Variants in INTS8 observed in about 807,000 individuals in gnomAD.
The protein encoded by INTS8 is integrator complex subunit 8, also known as protein kaonashi-1.
In INTS8, 47 loss-of-function variants were observed where a neutral mutation model predicts 138.9. The ratio of observed to expected loss-of-function variants is 0.34; its 90% CI spans 0.27 to 0.43. The LOEUF (loss-of-function observed/expected upper bound fraction) is 0.43. Ranked by LOEUF, INTS8 falls within the 20% of genes least tolerant of loss-of-function variation. The pLI, the probability that INTS8 is intolerant of heterozygous loss-of-function variation, is 1.00. For missense variants in INTS8, 996 were observed against 1,173.0 expected (o/e 0.85, Z 2.20); for synonymous variants, 392 against 400.9 (o/e 0.98, Z 0.27).
At chr8:94,876,772 A>T (rs1025414734) in intron 26 of INTS8, 3 of 283,712 alleles carry the variant, frequency 1.1e-5, no homozygotes, top group African/African-American at 6.6e-5. Context: ...ATAAGGCTAT[A>T]TACAACTTGA....
In INTS8 at chr8:94,851,615, A is replaced by G. The variant is rs151288845; in HGVS notation, c.1570A>G (p.Arg524Gly). The G allele has an allele frequency of 6.0e-5, 96 of 1,602,910 alleles. No homozygotes were observed. In the African/African-American group the frequency reaches 1.2e-3, roughly 20 times the overall value. Residue 524 changes from arginine to glycine, a missense_variant, in exon 13 of 27, where the codon AGG (arginine) becomes GGG (glycine). Transcript: ENST00000523731. ...ACTTATATTGTCAGTGGATCCTTGG[A>G]GGATTAGACAAATTTTAATTGAATT... is the stretch of plus-strand genomic sequence containing the variant. The part of the protein sequence containing the change: ...HQLILSVDPW[R>G]IRQILIELHG...
chr8:94,846,025 A>G (rs1815320838), intron 10 of INTS8, among the ~76,000 whole-genome samples: 1 of 152,154 alleles, frequency 6.6e-6, no homozygotes, highest in Non-Finnish European at 1.5e-5. Context: ...GGCAGTCTTT[A>G]GTGTCCTTTA....
At chr8:94,852,221 G>T (rs1281073613) in intron 13 of INTS8, among the ~76,000 whole-genome samples, 3 of 152,154 alleles carry the variant, frequency 2.0e-5, no homozygotes, top group Admixed American at 2.0e-4. Flanking sequence ...GGGATTACAG[G>T]TGTGAGCCAC....
At chr8:94,858,820 A>C (rs573948408) in intron 15 of INTS8, among the ~76,000 whole-genome samples, 2 of 152,300 alleles carry the variant, frequency 1.3e-5, no homozygotes, top group African/African-American at 4.8e-5. Context: ...TCTTTGTGCT[A>C]CCTTTTTGGC....
chr8:94,837,900 C>T (rs757714290), intron 7 of INTS8, among the ~76,000 whole-genome samples: 4 of 152,042 alleles, frequency 2.6e-5, no homozygotes, highest in African/African-American at 4.8e-5. Context: ...TAGTTTACGG[C>T]CCACAAAAAT....
chr8:94,834,432 A>G (rs1449228191), intron 6 of INTS8, among the ~76,000 whole-genome samples: 1 of 151,504 alleles, frequency 6.6e-6, no homozygotes, highest in Admixed American at 6.6e-5. Flanking sequence ...TTTACTCCAG[A>G]TAGGAGGAAC....
chr8:94,875,138 T>G (rs779652147), intron 23 of INTS8, among the ~76,000 whole-genome samples: 1 of 152,138 alleles, frequency 6.6e-6, no homozygotes, highest in East Asian at 1.9e-4. Context: ...CCAAGACAAC[T>G]GAAAACATAT....
chr8:94,838,721 C>A, intron 8 of INTS8, 103 bp downstream of exon 8: 1 of 784,776 alleles, frequency 1.3e-6, no homozygotes, highest in Non-Finnish European at 2.1e-6. Flanking sequence ...TGGGGCAAGT[C>A]ATTTACACTG....
intron 4 of INTS8, among the ~76,000 whole-genome samples, 189 bp from the exon 5 acceptor site, chr8:94,828,786 G>T (rs958922522): frequency 9.9e-5 from 15 of 152,146 alleles, no homozygotes; most frequent in Non-Finnish European, 5.9e-5. Context: ...CAAAGTAAAT[G>T]AGAAAATACT....
Position 94,880,130 on chromosome 8 carries a change from G to A in INTS8, c.2884G>A (p.Gly962Ser), listed in dbSNP as rs1417004170. ...TCTGTTTTGGAAGATCAAAGCCATCGGCCAGACAGAGTTGAATGCAAGCAA... is the reference window on the plus strand; with the variant it reads ...TCTGTTTTGGAAGATCAAAGCCATCAGCCAGACAGAGTTGAATGCAAGCAA... ...DKRQIAIKAI[G>S]QTELNASNPE... The change falls in exon 27 of 27, where the codon GGC becomes AGC. Residue 962 changes from glycine to serine, a missense_variant. Transcript: ENST00000523731. The A allele has an allele frequency of 2.5e-6, 4 of 1,605,662 alleles. No individual in the cohort carries two copies. The highest frequency in any genetic ancestry group is 1.3e-5 in the African/African-American group (1 of 74,198).
intron 2 of INTS8, among the ~76,000 whole-genome samples, chr8:94,826,097 A>G (rs534899581): frequency 2.0e-5 from 3 of 152,174 alleles, no homozygotes; most frequent in Non-Finnish European, 4.4e-5. Context: ...AAATAAGTTT[A>G]TCTGTATTTT....
Position 94,850,036 on chromosome 8 carries a change from A to T in INTS8, c.1452A>T (p.Arg484Ser), listed in dbSNP as rs1451100325. The T allele has an allele frequency of 1.9e-6, 3 of 1,613,354 alleles. No individual in the cohort carries two copies. Among genetic ancestry groups the T allele is most frequent in the African/African-American group, 1.3e-5 (1 of 75,016 alleles). ...TACTTGTTGATCAGATGAGGAAGAG[A>T]TCCCCTAGAGTAAATCTGTGCATTA... ...RKLLVDQMRK[R>S]SPRVNLCIKP... Residue 484 changes from arginine (R) to serine (S), a missense_variant, in exon 12 of 27, where the codon AGA becomes AGT. Physicochemically the swap from Arg to Ser is moderately radical, Grantham distance 110 (BLOSUM62 -1). Transcript: ENST00000523731.
intron 20 of INTS8, among the ~76,000 whole-genome samples, chr8:94,870,138 G>A (rs970118078): frequency 2.6e-5 from 4 of 151,490 alleles, no homozygotes; most frequent in Admixed American, 6.6e-5. Flanking sequence ...TGCAAGCTCT[G>A]CCTCCCGGGT....
chr8:94,841,557 G>T lies in INTS8; in HGVS notation c.1084G>T (p.Val362Phe), dbSNP rs77694204. ...TTTACCTGTCCAGTTCCGACAGTCA[G>T]TCCTAAGAGAACTCTTTAAGAAAGC... Reference protein sequence around the residue: ...LSLPVQFRQSVLRELFKKAQQ... With the variant: ...LSLPVQFRQSFLRELFKKAQQ... Residue 362 changes from valine (V) to phenylalanine (F), a missense_variant, in exon 9 of 27, where the codon GTC becomes TTC. Val to Phe is a conservative substitution (Grantham distance 50). Transcript: ENST00000523731. 6.2e-7 allele frequency: 1 copy of T among 1,605,348 alleles called. No homozygotes were observed. Among genetic ancestry groups the T allele is most frequent in the East Asian group, 2.2e-5 (1 of 44,670 alleles).
chr8:94,838,524 C>G lies in INTS8; in HGVS notation c.923C>G (p.Ala308Gly). Residue 308 changes from alanine (A) to glycine (G), a missense_variant, in exon 8 of 27, where the codon GCA (alanine) becomes GGA (glycine). Transcript: ENST00000523731. ...AAGCGGTTAGCTGGCTATTGTCAAG[C>G]ATGTGATGTTCTTGTACCTTCTTCT... is the stretch of plus-strand genomic sequence containing the variant. ...DEKRLAGYCQ[A>G]CDVLVPSSDS... is the part of the protein sequence containing the mutation. The G allele has an allele frequency of 6.2e-7, 1 of 1,612,712 alleles. No individual in the cohort carries two copies. The highest frequency in any genetic ancestry group is 8.5e-7 in the Non-Finnish European group (1 of 1,178,738).
chr8:94,849,521 T>C lies in INTS8; in HGVS notation c.1320T>C (p.Ala440=). The change falls in exon 11 of 27, where the codon GCT becomes GCC. Residue 440 remains alanine, a synonymous_variant. Coordinates refer to ENST00000523731, the MANE Select transcript of INTS8 (RefSeq NM_017864.4). ...CAGAGTCTTTGAAAGGAAACATGGC[T>C]GCTTTTCTAAAGTAAGTACCTTTCT... is the stretch of plus-strand genomic sequence containing the variant. ...KASESLKGNM[A]AFLKNVCLGL... The C allele has an allele frequency of 1.3e-6, 2 of 1,557,220 alleles. No homozygotes were observed. The highest frequency in any genetic ancestry group is 8.8e-7 in the Non-Finnish European group (1 of 1,142,338).
intron 14 of INTS8, among the ~76,000 whole-genome samples, chr8:94,855,566 C>G (rs547074960): frequency 2.0e-5 from 3 of 152,190 alleles, no homozygotes; most frequent in Non-Finnish European, 4.4e-5. Context: ...TTACTGGGCA[C>G]AGAGACTTCT....
At chr8:94,828,547 C>T (rs1814596068) in intron 4 of INTS8, among the ~76,000 whole-genome samples, 1 of 152,068 alleles carries the variant, frequency 6.6e-6, no homozygotes, top group African/African-American at 2.4e-5. Flanking sequence ...CACATGGCAG[C>T]CTAGCCAAAT....
intron 9 of INTS8, 100 bp downstream of exon 9, chr8:94,841,691 C>T: frequency 1.5e-6 from 1 of 654,920 alleles, no homozygotes; most frequent in Non-Finnish European, 2.7e-6. Flanking sequence ...GGCTCTGTGA[C>T]ATTATTTTCA....
Sources: allele counts gnomAD v4.1 joint callset (sites outside exome capture counted in the v4.1 genomes callset), GRCh38; gene constraint gnomAD v4.1.1; transcripts MANE v1.5; gene names NCBI Gene and HGNC (gene_info 2026-07-23, HGNC 2026-07-21).